The following PATL2 variants were observed in gnomAD, a reference collection of about 807,000 sequenced individuals.
PATL2 encodes protein PAT1 homolog 2.
PATL2 carries 73 observed loss-of-function variants against 77.0 expected under a neutral mutation model. The observed-to-expected ratio is 0.95, with a 90% CI of 0.78 to 1.15. PATL2 has a LOEUF of 1.15. PATL2 is among the 50% of genes most tolerant of loss of function. PATL2 has a pLI of 0.00. For missense variants in PATL2, 618 were observed against 655.4 expected, an observed-to-expected ratio of 0.94 and a Z score of 0.62; for synonymous variants, 265 against 257.1, an observed-to-expected ratio of 1.03 and a Z score of -0.29.
At chr15:44,668,861 A>C (rs1282167381) in intron 14 of PATL2, 119 bp downstream of exon 14, 21 of 1,245,058 alleles carry the variant, frequency 1.7e-5, no homozygotes, top group Non-Finnish European at 2.3e-5. Flanking sequence ...CAAGGCCAGC[A>C]TCCCTCGCTG....
intron 3 of PATL2, among the ~76,000 whole-genome samples, chr15:44,682,246 G>A (rs753900947): frequency 6.6e-6 from 1 of 152,202 alleles, no homozygotes; most frequent in Non-Finnish European, 1.5e-5. Context: ...TTATTCAAAT[G>A]GGAAAAACAA....
chr15:44,673,405 G>A (rs1169595368), intron 6 of PATL2, 28 bp from the exon 7 acceptor site: 2 of 1,550,560 alleles, frequency 1.3e-6, no homozygotes, highest in East Asian at 2.4e-5. Context: ...AGGTCTGGGA[G>A]AACGCCATCT....
chr15:44,675,755 G>A, intron 4 of PATL2, 64 bp from the exon 5 acceptor site: 1 of 1,390,034 alleles, frequency 7.2e-7, no homozygotes, highest in Non-Finnish European at 9.7e-7. Flanking sequence ...CTTGTCTAGA[G>A]AGGCTGCTAC....
chr15:44,697,970 C>T (rs1343987463), intron 3 of PATL2, among the ~76,000 whole-genome samples: 1 of 152,004 alleles, frequency 6.6e-6, no homozygotes, highest in Non-Finnish European at 1.5e-5. Context: ...AACTCATGGG[C>T]TCAAGTGATC....
chr15:44,666,199 G>A (rs1287405620), intron 17 of PATL2, among the ~76,000 whole-genome samples, 193 bp downstream of exon 17: 1 of 152,068 alleles, frequency 6.6e-6, no homozygotes, highest in Non-Finnish European at 1.5e-5. Context: ...AATGACCAAA[G>A]CACCTGGAAT....
rs527456556 is a variant in PATL2, at chr15:44,691,429, A to G, written c.-75-14864T>C. Reference sequence around the variant, plus strand: ...TCCCAGTACTTTGGGAGGCCAAGGCAGGCGGATCACTTGAGGTCAGGAGTT... The same window carrying G: ...TCCCAGTACTTTGGGAGGCCAAGGCGGGCGGATCACTTGAGGTCAGGAGTT... On this transcript the variant is annotated intron_variant, in intron 3 of 17. Coordinates refer to ENST00000682850, the MANE Select transcript of PATL2 (RefSeq NM_001387263.1). Among the ~76,000 whole-genome samples, 79 of 152,332 alleles carry G rather than the reference A, an allele frequency of 5.2e-4. No homozygotes were observed. The East Asian group carries it at 0.015, about 28-fold the overall frequency.
chr15:44,666,298 C>A, intron 17 of PATL2, 94 bp downstream of exon 17: 1 of 1,441,762 alleles, frequency 6.9e-7, no homozygotes, highest in Non-Finnish European at 9.5e-7. Flanking sequence ...ATCCTTCATG[C>A]TCATAATTTA....
intron 3 of PATL2, among the ~76,000 whole-genome samples, chr15:44,704,223 C>G (rs1004622522): frequency 6.8e-6 from 1 of 147,626 alleles, no homozygotes; most frequent in Admixed American, 6.8e-5. Flanking sequence ...ACCGTGTTTT[C>G]CAGGCTGGTT....
intron 3 of PATL2, among the ~76,000 whole-genome samples, chr15:44,679,529 AT>A (rs537636772): frequency 0.027 from 3,499 of 131,900 alleles, 69 homozygotes; most frequent in South Asian, 0.066. Context: ...TGCCTGGCCA[AT>A]TTTTTTTTTC....
At chr15:44,698,392 C>T (rs568989335) in intron 3 of PATL2, among the ~76,000 whole-genome samples, 8 of 152,132 alleles carry the variant, frequency 5.3e-5, no homozygotes, top group African/African-American at 7.2e-5. Context: ...CTCCCTCCCC[C>T]GACTACTCTT....
At chr15:44,674,863 CT>C (rs1399800124) in intron 5 of PATL2, 1 of 152,288 alleles carries the variant, frequency 6.6e-6, no homozygotes, top group Admixed American at 6.5e-5. Flanking sequence ...GCCACTGCCC[CT>C]GGCCAGTTTA....
intron 3 of PATL2, among the ~76,000 whole-genome samples, chr15:44,688,760 A>C (rs1486706205): frequency 6.6e-6 from 1 of 152,248 alleles, no homozygotes; most frequent in Non-Finnish European, 1.5e-5. Context: ...TAAAAACCCC[A>C]GAAGAAAACC....
At chr15:44,698,909 A>G (rs1015709848) in intron 3 of PATL2, among the ~76,000 whole-genome samples, 9 of 152,162 alleles carry the variant, frequency 5.9e-5, no homozygotes, top group African/African-American at 2.2e-4. Flanking sequence ...AGCATTCATT[A>G]TTGTCTGTCC....
Position 44,672,020 on chromosome 15 carries a change from A to G in PATL2, c.652T>C (p.Tyr218His). 1 of 1,551,688 alleles carries G rather than the reference A, an allele frequency of 6.4e-7. No individual in the cohort carries two copies. Among genetic ancestry groups the G allele is most frequent in the Non-Finnish European group, 8.7e-7 (1 of 1,146,992 alleles). ...SAKPRLDDYY[Y>H]QEYYQKLEKK... is the part of the protein sequence containing the mutation. The stretch of plus-strand genomic sequence containing the variant: ...CTGAGTACTGCGGGGCTCACCTGGT[A>G]ATAGTAGTCATCCAGGCGGGGTTTT... Residue 218 changes from tyrosine to histidine, a missense_variant, in exon 9 of 18, where the codon TAC becomes CAC. Physicochemically the swap from Tyr to His is moderately conservative, Grantham distance 83. Coordinates refer to ENST00000682850, the MANE Select transcript of PATL2 (RefSeq NM_001387263.1).
At position 44,711,103 on chromosome 15, in the gene PATL2, A is replaced by T. The variant is rs550450506; in HGVS notation, c.-337T>A. Reference sequence around the variant, plus strand: ...TCCTTCTGCTAGGTAGCATTCAAAGATCTTAATCTTCTGGGTTTCCGTTTT... The same window carrying T: ...TCCTTCTGCTAGGTAGCATTCAAAGTTCTTAATCTTCTGGGTTTCCGTTTT... On this transcript the variant is annotated 5_prime_UTR_variant, in exon 1 of 18. Transcript: ENST00000682850. The T allele has an allele frequency of 3.8e-5, 12 of 315,244 alleles. No homozygotes were observed. Among genetic ancestry groups the T allele is most frequent in the African/African-American group, 2.4e-4 (11 of 46,732 alleles). The allele number at this position is 315,244 out of a possible 1,614,324, so 19.5% of individuals were successfully genotyped here.
chr15:44,682,022 C>T (rs1428661851), intron 3 of PATL2, among the ~76,000 whole-genome samples: 3 of 152,302 alleles, frequency 2.0e-5, no homozygotes, highest in Middle Eastern at 3.4e-3. Context: ...GGAGACCTCT[C>T]GCCCTTGGTC....
chr15:44,671,620 A>G (rs1160647421), intron 9 of PATL2, among the ~76,000 whole-genome samples: 1 of 152,232 alleles, frequency 6.6e-6, no homozygotes, highest in Admixed American at 6.5e-5. Flanking sequence ...CGTTCTTTCA[A>G]TTAAACAAAC....
At chr15:44,671,413 C>G (rs993763788) in intron 9 of PATL2, among the ~76,000 whole-genome samples, 1 of 151,870 alleles carries the variant, frequency 6.6e-6, no homozygotes, top group Admixed American at 6.6e-5. Context: ...CACCTGAACC[C>G]TGGAGGTGGA....
intron 3 of PATL2, among the ~76,000 whole-genome samples, chr15:44,705,486 A>C (rs2086715999): frequency 6.6e-6 from 1 of 152,126 alleles, no homozygotes; most frequent in Non-Finnish European, 1.5e-5. Context: ...GGCTGCAGCC[A>C]GTAACTCTTA....
Sources: allele counts gnomAD v4.1 joint callset (sites outside exome capture counted in the v4.1 genomes callset), GRCh38; gene constraint gnomAD v4.1.1; transcripts MANE v1.5; gene names NCBI Gene and HGNC (gene_info 2026-07-23, HGNC 2026-07-21).